Variants in HP1BP3 observed in about 807,000 individuals in gnomAD.
HP1BP3 encodes the protein heterochromatin protein 1 binding protein 3, also known as heterochromatin protein 1-binding protein 3.
A neutral mutation model predicts 62.5 loss-of-function variants in HP1BP3; 12 were observed. The ratio of observed to expected loss-of-function variants is 0.19; its 90% CI spans 0.12 to 0.31. The LOEUF is 0.31. Ranked by LOEUF, HP1BP3 falls within the 10% of genes least tolerant of loss-of-function variation. The pLI is 1.00. For synonymous variants in HP1BP3, 260 were observed against 237.8 expected (o/e 1.09, Z -0.86); for missense variants, 502 against 651.8 (o/e 0.77, Z 2.50).
At chr1:20,778,081 T>C (rs1289232883) in intron 3 of HP1BP3, among the ~76,000 whole-genome samples, 1 of 152,268 alleles carries the variant, frequency 6.6e-6, no homozygotes, top group Non-Finnish European at 1.5e-5. Context: ...TAGTCATGTT[T>C]ATTTACACTT....
intron 8 of HP1BP3, among the ~76,000 whole-genome samples, chr1:20,758,756 C>T (rs2056284145): frequency 1.3e-5 from 2 of 151,746 alleles, no homozygotes; most frequent in Admixed American, 1.3e-4. Flanking sequence ...AGCAACCCTT[C>T]CGCTGCTTCA....
chr1:20,754,678 A>G (rs1273736396), intron 9 of HP1BP3, among the ~76,000 whole-genome samples: 1 of 152,206 alleles, frequency 6.6e-6, no homozygotes, highest in Non-Finnish European at 1.5e-5. Flanking sequence ...AAACCCTTAT[A>G]TTTATGGTCA....
In HP1BP3 at chr1:20,767,678, A is replaced by G. The variant is rs760908066; in HGVS notation, c.655-14T>C. On this transcript the variant is annotated splice_polypyrimidine_tract_variant and intron_variant, in intron 6 of 12. Coordinates refer to ENST00000438032, the MANE Select transcript of HP1BP3 (RefSeq NM_001372052.1). Reference sequence around the variant, plus strand: ...TTTTCCTTTAACCTAAAGTAAATTAATTTTTGTTATTCTAGTATTCATAAC... The same window carrying G: ...TTTTCCTTTAACCTAAAGTAAATTAGTTTTTGTTATTCTAGTATTCATAAC... The G allele has an allele frequency of 6.5e-7, 1 of 1,546,620 alleles. No homozygotes were observed. The highest frequency in any genetic ancestry group is 1.2e-5 in the South Asian group (1 of 86,768).
At chr1:20,786,759 G>C (rs900042680) in intron 1 of HP1BP3, 6 of 152,264 alleles carry the variant, frequency 3.9e-5, no homozygotes, top group East Asian at 1.9e-4. Context: ...AAACCGCTGA[G>C]GGAGTGGGGT....
chr1:20,767,480 A>G (rs1570629466), intron 7 of HP1BP3, 104 bp downstream of exon 7: 2 of 818,734 alleles, frequency 2.4e-6, no homozygotes, highest in East Asian at 4.9e-5. Context: ...AGAAAGGCTG[A>G]ACCTTGCATA....
At chr1:20,758,083 T>C (rs550875419) in intron 8 of HP1BP3, among the ~76,000 whole-genome samples, 16 of 151,888 alleles carry the variant, frequency 1.1e-4, no homozygotes, top group Admixed American at 3.3e-4. Flanking sequence ...GAGGCGGAGG[T>C]TGCAGTGAGC....
intron 7 of HP1BP3, among the ~76,000 whole-genome samples, chr1:20,766,505 C>A (rs1265209457): frequency 6.6e-6 from 1 of 151,346 alleles, no homozygotes; most frequent in African/African-American, 2.4e-5. Flanking sequence ...TAAATGAGTA[C>A]AAGACATTTC....
chr1:20,787,034 G>T (rs1294335300), intron 1 of HP1BP3, among the ~76,000 whole-genome samples, 161 bp downstream of exon 1: 2 of 151,916 alleles, frequency 1.3e-5, no homozygotes, highest in Admixed American at 1.3e-4. Flanking sequence ...GGAGCGGCCG[G>T]GTAAGGCAGA....
intron 6 of HP1BP3, among the ~76,000 whole-genome samples, chr1:20,769,587 A>T (rs975305917): frequency 6.6e-6 from 1 of 151,492 alleles, no homozygotes; most frequent in Non-Finnish European, 1.5e-5. Context: ...TAAAGAAATA[A>T]TTTTTTTGTA....
At chr1:20,746,355 G>A (rs961486737) in intron 11 of HP1BP3, among the ~76,000 whole-genome samples, 11 of 151,684 alleles carry the variant, frequency 7.3e-5, no homozygotes, top group Admixed American at 2.6e-4. Flanking sequence ...CACCACACCT[G>A]GCAGAATGTA....
chr1:20,778,323 A>T lies in HP1BP3; in HGVS notation c.196+1489T>A, dbSNP rs2057392370. ...CATAGAGTTTACAAAATTTAAAATA[A>T]GTGAAGTCTAATTTCTATGTACAAA... is the stretch of plus-strand genomic sequence containing the variant. On this transcript the variant is annotated intron_variant, in intron 3 of 12. Coordinates refer to ENST00000438032, the MANE Select transcript of HP1BP3 (RefSeq NM_001372052.1). Among the ~76,000 whole-genome samples, 6 of 152,276 alleles carry T rather than the reference A, an allele frequency of 3.9e-5. No individual in the cohort carries two copies. The South Asian group carries it at 1.2e-3, about 31-fold the overall frequency.
rs1391000231 is a variant in HP1BP3 at position 20,750,110 on chromosome 1, C to T, written c.982-228G>A. 4 of 760,196 alleles carry T rather than the reference C, an allele frequency of 5.3e-6. No homozygotes were observed. In the East Asian group the frequency reaches 1.5e-4, roughly 28 times the overall value. The allele number at this position is 760,196 out of a possible 1,614,324, so 47.1% of individuals were successfully genotyped here. On this transcript the variant is annotated intron_variant, in intron 9 of 12. Transcript: ENST00000438032. ...TTTCTCCTTCCATCTACCCTCCATCCACCCTAAAATAATAGCCAACCTAAC... is the reference window on the plus strand; with the variant it reads ...TTTCTCCTTCCATCTACCCTCCATCTACCCTAAAATAATAGCCAACCTAAC...
At chr1:20,752,077 T>C (rs941494640) in intron 9 of HP1BP3, among the ~76,000 whole-genome samples, 1 of 151,818 alleles carries the variant, frequency 6.6e-6, no homozygotes, top group Non-Finnish European at 1.5e-5. Flanking sequence ...CTGGCCAACA[T>C]GGTGAAACCC....
rs1413091135 is a variant in HP1BP3 at position 20,751,791 on chromosome 1, A to C, written c.982-1909T>G. On this transcript the variant is annotated intron_variant, in intron 9 of 12. Coordinates refer to ENST00000438032, the MANE Select transcript of HP1BP3 (RefSeq NM_001372052.1). Reference sequence around the variant, plus strand: ...AAAGAAAATTACATAGCATACTTTGAAAATGAAAGGTGTGGTAACAAAGGT... The same window carrying C: ...AAAGAAAATTACATAGCATACTTTGCAAATGAAAGGTGTGGTAACAAAGGT... Among the ~76,000 whole-genome samples, 4 of 151,822 alleles carry C rather than the reference A, an allele frequency of 2.6e-5. No homozygotes were observed. The East Asian group carries it at 5.8e-4, about 22-fold the overall frequency.
intron 10 of HP1BP3, among the ~76,000 whole-genome samples, chr1:20,747,870 A>C (rs1211853447): frequency 6.6e-6 from 1 of 152,180 alleles, no homozygotes; most frequent in Non-Finnish European, 1.5e-5. Context: ...ATACATACAT[A>C]TATCTATATT....
At chr1:20,769,212 C>T (rs1226003644) in intron 6 of HP1BP3, among the ~76,000 whole-genome samples, 1 of 152,196 alleles carries the variant, frequency 6.6e-6, no homozygotes, top group African/African-American at 2.4e-5. Flanking sequence ...CCTGCCTCAG[C>T]CTCATGAGTT....
chr1:20,781,929 T>TTTTC (rs2057570827), intron 1 of HP1BP3, among the ~76,000 whole-genome samples: 1 of 152,052 alleles, frequency 6.6e-6, no homozygotes, highest in African/African-American at 2.4e-5. Context: ...CCCGGCCCAT[T>TTTTC]TTTCTTAATG....
At chr1:20,761,949 A>C (rs1267939749) in intron 8 of HP1BP3, among the ~76,000 whole-genome samples, 1 of 152,232 alleles carries the variant, frequency 6.6e-6, no homozygotes, top group Non-Finnish European at 1.5e-5. Flanking sequence ...TTGACCACTG[A>C]AATTTCCAAC....
In HP1BP3 at chr1:20,742,928, G is replaced by C. The variant is rs1021091136; in HGVS notation, c.*1869C>G. 6.6e-6 allele frequency: 1 copy of C among 152,590 alleles called. No individual in the cohort carries two copies. The highest frequency in any genetic ancestry group is 1.5e-5 in the Non-Finnish European group (1 of 68,040). 9.5% of individuals were successfully genotyped at this position (152,590 alleles called of 1,614,324 possible). A position where few individuals can be genotyped will look rare whatever the true frequency, so the allele number is the denominator to read the frequency against. On this transcript the variant is annotated 3_prime_UTR_variant, in exon 13 of 13. Transcript: ENST00000438032. Reference sequence around the variant, plus strand: ...AAGAAACAAACATCTTTTGCCTCTGGCAGTACTCAAGGGGCCAGAAGATGT... The same window carrying C: ...AAGAAACAAACATCTTTTGCCTCTGCCAGTACTCAAGGGGCCAGAAGATGT...
Sources: allele counts gnomAD v4.1 joint callset (sites outside exome capture counted in the v4.1 genomes callset), GRCh38; gene constraint gnomAD v4.1.1; transcripts MANE v1.5; gene names NCBI Gene and HGNC (gene_info 2026-07-23, HGNC 2026-07-21).